PTPRD: variants seen among roughly 807,000 people sequenced by gnomAD.
PTPRD encodes receptor-type tyrosine-protein phosphatase delta.
PTPRD carries 34 observed loss-of-function variants against 214.5 expected under a neutral mutation model. The ratio of observed to expected loss-of-function variants is 0.16; its 90% CI spans 0.12 to 0.21. PTPRD has a LOEUF of 0.21. Among genes scored for constraint, PTPRD ranks in the 10% least tolerant of loss-of-function variants. The pLI is 1.00. For missense variants in PTPRD, 2,545 were observed against 2,398.7 expected (o/e 1.06, Z -1.27); for synonymous variants, 1,128 against 845.7 (o/e 1.33, Z -5.79).
chr9:9,924,303 C>G (rs1246968003), intron 5 of PTPRD, among the ~76,000 whole-genome samples: 1 of 151,782 alleles, frequency 6.6e-6, no homozygotes, highest in Admixed American at 6.6e-5. Flanking sequence ...AGGTAGTTAC[C>G]AAAAGGACCA....
At chr9:10,078,222 C>G (rs2098167422) in intron 3 of PTPRD, among the ~76,000 whole-genome samples, 2 of 151,598 alleles carry the variant, frequency 1.3e-5, no homozygotes, top group Non-Finnish European at 1.5e-5. Flanking sequence ...TTAGAAAGAA[C>G]CCACCTAGGG....
intron 11 of PTPRD, among the ~76,000 whole-genome samples, chr9:8,959,769 G>C (rs1342579026): frequency 2.0e-5 from 3 of 151,958 alleles, no homozygotes; most frequent in Non-Finnish European, 4.4e-5. Flanking sequence ...AAAGTTTCAT[G>C]ATCTTGAAAA....
intron 14 of PTPRD, among the ~76,000 whole-genome samples, chr9:8,576,163 A>G (rs2092329288): frequency 6.6e-6 from 1 of 152,208 alleles, no homozygotes; most frequent in Admixed American, 6.6e-5. Context: ...CCTTTTAAAT[A>G]TTAATGTGCA....
In PTPRD at chr9:9,067,218, G is replaced by A. The variant is rs2099736089; in HGVS notation, c.-142-48483C>T. On this transcript the variant is annotated intron_variant, in intron 10 of 45. Transcript: ENST00000381196. ...GCACTCCAGCCTGGGCAATAAGAGT[G>A]AGACTCCGTCTCAAAAACAAACAGA... 3.3e-5 allele frequency among the ~76,000 whole-genome samples: 5 copies of A among 152,154 alleles called. No individual in the cohort carries two copies. The South Asian group carries it at 1.0e-3, about 32-fold the overall frequency.
At chr9:10,374,195 A>G (rs575552018) in intron 2 of PTPRD, among the ~76,000 whole-genome samples, 23 of 152,102 alleles carry the variant, frequency 1.5e-4, no homozygotes, top group Non-Finnish European at 3.2e-4. Flanking sequence ...CTGGTCATCA[A>G]AATGACTCTT....
chr9:9,743,627 G>T (rs936394881), intron 6 of PTPRD, among the ~76,000 whole-genome samples: 8 of 151,736 alleles, frequency 5.3e-5, no homozygotes, highest in African/African-American at 1.9e-4. Context: ...CTTTTCCAAA[G>T]GCATGACCTT....
intron 3 of PTPRD, among the ~76,000 whole-genome samples, chr9:10,173,251 T>C (rs949524854): frequency 3.9e-5 from 6 of 152,158 alleles, no homozygotes; most frequent in Non-Finnish European, 7.4e-5. Flanking sequence ...TTGTTAGGTA[T>C]AAAAACTTTA....
At chr9:8,621,430 TA>T (rs2095820666) in intron 14 of PTPRD, among the ~76,000 whole-genome samples, 1 of 151,956 alleles carries the variant, frequency 6.6e-6, no homozygotes, top group Non-Finnish European at 1.5e-5. Flanking sequence ...AATCATATCT[TA>T]AAAATGTTGA....
intron 12 of PTPRD, among the ~76,000 whole-genome samples, chr9:8,716,026 A>G (rs2098430440): frequency 6.6e-6 from 1 of 152,254 alleles, no homozygotes; most frequent in Non-Finnish European, 1.5e-5. Flanking sequence ...TAGCCTTAAC[A>G]GGTCTGTGGC....
intron 35 of PTPRD, among the ~76,000 whole-genome samples, chr9:8,406,041 G>C (rs1401159244): frequency 1.3e-5 from 2 of 152,090 alleles, no homozygotes; most frequent in Non-Finnish European, 2.9e-5. Flanking sequence ...TTATTAAACT[G>C]TTTTCCTTTC....
intron 3 of PTPRD, among the ~76,000 whole-genome samples, chr9:10,207,009 G>T (rs1594194427): frequency 6.6e-6 from 1 of 152,052 alleles, no homozygotes; most frequent in African/African-American, 2.4e-5. Flanking sequence ...TATACAGAGG[G>T]AAATAATGCA....
At chr9:8,774,068 C>A (rs2095356253) in intron 11 of PTPRD, among the ~76,000 whole-genome samples, 1 of 152,172 alleles carries the variant, frequency 6.6e-6, no homozygotes, top group Non-Finnish European at 1.5e-5. Context: ...CTTTGTACCA[C>A]AGCTATTTAT....
At chr9:9,848,759 G>C (rs1175898800) in intron 5 of PTPRD, among the ~76,000 whole-genome samples, 2 of 151,998 alleles carry the variant, frequency 1.3e-5, no homozygotes, top group Non-Finnish European at 2.9e-5. Flanking sequence ...TCAAAAGTGT[G>C]CTCATGTAGA....
chr9:10,492,667 T>A (rs2040716800), intron 2 of PTPRD, among the ~76,000 whole-genome samples: 1 of 152,210 alleles, frequency 6.6e-6, no homozygotes, highest in Admixed American at 6.5e-5. Flanking sequence ...GTAGGTTGCC[T>A]GTTCACTCTG....
chr9:9,902,814 T>C (rs563892345), intron 5 of PTPRD, among the ~76,000 whole-genome samples: 106 of 152,254 alleles, frequency 7.0e-4, no homozygotes, highest in African/African-American at 2.5e-3. Context: ...ACAAACTTTT[T>C]CCAAGCACAC....
chr9:8,403,835 T>C (rs1278208666), intron 36 of PTPRD, among the ~76,000 whole-genome samples: 1 of 152,228 alleles, frequency 6.6e-6, no homozygotes, highest in Non-Finnish European at 1.5e-5. Context: ...TCCAGATTTA[T>C]TTACAAGCAA....
chr9:8,614,729 A>AAAGACATGAGACAC (rs2095555486), intron 14 of PTPRD, among the ~76,000 whole-genome samples: 1 of 152,296 alleles, frequency 6.6e-6, no homozygotes. Context: ...AAATGAGACA[A>AAAGACATGAGACAC]AAGACATGAG....
chr9:9,551,652 C>T (rs2080282312), intron 8 of PTPRD, among the ~76,000 whole-genome samples: 1 of 151,916 alleles, frequency 6.6e-6, no homozygotes. Flanking sequence ...TTCATCAAGC[C>T]TTCTTTAATT....
intron 7 of PTPRD, among the ~76,000 whole-genome samples, chr9:9,725,676 G>A (rs1596112905): frequency 6.6e-6 from 1 of 152,016 alleles, no homozygotes; most frequent in African/African-American, 2.4e-5. Context: ...CTACATGTTT[G>A]TAGAAAGAAA....
Sources: gnomAD v4.1 joint callset for allele counts (sites outside exome capture counted in the v4.1 genomes callset) on GRCh38, gnomAD v4.1.1 for gene constraint, MANE v1.5 for transcripts, NCBI Gene and HGNC (gene_info 2026-07-23, HGNC 2026-07-21) for gene names.